Variants in ALMS1 observed in about 807,000 individuals in gnomAD.
ALMS1 encodes centrosome-associated protein ALMS1.
ALMS1 carries 271 observed loss-of-function variants against 352.2 expected under a neutral mutation model. That is an observed-to-expected ratio of 0.77 (90% CI 0.70 to 0.85). ALMS1 has a LOEUF of 0.85. Among genes scored for constraint, ALMS1 ranks in the 40% least tolerant of loss-of-function variants. The probability of loss-of-function intolerance (pLI) is 0.00; values close to 1 mark genes in which losing one functional copy is unlikely to be tolerated. For missense variants in ALMS1, 5,445 were observed against 4,870.7 expected (o/e 1.12, Z -3.51); for synonymous variants, 1,865 against 1,761.2 (o/e 1.06, Z -1.48).
chr2:73,447,530 G>A (rs950189901), intron 7 of ALMS1, among the ~76,000 whole-genome samples: 10 of 152,116 alleles, frequency 6.6e-5, no homozygotes, highest in African/African-American at 2.4e-4. Flanking sequence ...GTGAAAATAA[G>A]CTGATGAGCC....
At chr2:73,474,897 C>T (rs1572956874) in intron 9 of ALMS1, among the ~76,000 whole-genome samples, 1 of 151,864 alleles carries the variant, frequency 6.6e-6, no homozygotes, top group East Asian at 1.9e-4. Flanking sequence ...GTCATTAGCC[C>T]CTCTCCCCCA....
Position 73,601,253 on chromosome 2 carries a change from G to T in ALMS1, c.11931G>T (p.Val3977=). ...NVESRSKKEN[V]PNTCGPGISW... ...AGTCTAGATCAAAGAAGGAAAACGT[G>T]CCTAACACTTGTGGCCCTGGCATCT... The change falls in exon 19 of 23, where the codon GTG becomes GTT. Residue 3977 remains valine (V), a synonymous_variant. Coordinates refer to ENST00000613296, the MANE Select transcript of ALMS1 (RefSeq NM_001378454.1). 1.2e-6 allele frequency: 2 copies of T among 1,614,230 alleles called. No homozygotes were observed. Among genetic ancestry groups the T allele is most frequent in the Non-Finnish European group, 1.7e-6 (2 of 1,180,024 alleles).
intron 1 of ALMS1, among the ~76,000 whole-genome samples, chr2:73,397,985 C>T (rs992787507): frequency 1.3e-5 from 2 of 152,026 alleles, no homozygotes; most frequent in Non-Finnish European, 2.9e-5. Context: ...TAATTAAATC[C>T]AGCTTATCAA....
At chr2:73,434,651 T>C (rs1161892022) in intron 7 of ALMS1, among the ~76,000 whole-genome samples, 1 of 152,242 alleles carries the variant, frequency 6.6e-6, no homozygotes, top group Non-Finnish European at 1.5e-5. Flanking sequence ...TCTGACTAGC[T>C]GTTTTCTCCA....
Position 73,451,460 on chromosome 2 carries a change from T to G in ALMS1, c.4933T>G (p.Ser1645Ala). Residue 1645 changes from serine to alanine, a missense_variant, in exon 8 of 23, where the codon TCA (serine) becomes GCA (alanine). Physicochemically the swap from Ser to Ala is moderately conservative, Grantham distance 99. Coordinates refer to ENST00000613296, the MANE Select transcript of ALMS1 (RefSeq NM_001378454.1). ...TCTAAATAAAGAGGTTGTGAAAGTT[T>G]CAGCTGCTCCTGGACCAGCTGACCA... Reference protein sequence around the residue: ...SPLNKEVVKVSAAPGPADQKT... With the variant: ...SPLNKEVVKVAAAPGPADQKT... 2 of 1,614,098 alleles carry G rather than the reference T, an allele frequency of 1.2e-6. No homozygotes were observed. Among genetic ancestry groups the G allele is most frequent in the South Asian group, 1.1e-5 (1 of 91,084 alleles).
chr2:73,413,679 C>T (rs1174043888), intron 2 of ALMS1, among the ~76,000 whole-genome samples: 5 of 152,130 alleles, frequency 3.3e-5, no homozygotes, highest in South Asian at 2.1e-4. Context: ...TGTAGTTTTA[C>T]GTTTTACATT....
In ALMS1 at chr2:73,396,303, T is replaced by C. The variant is rs1308746735; in HGVS notation, c.324+10111T>C. 3.5e-5 allele frequency among the ~76,000 whole-genome samples: 5 copies of C among 144,142 alleles called. No homozygotes were observed. The South Asian group carries it at 6.7e-4, about 19-fold the overall frequency. The allele number at this position is 144,142 out of a possible 152,430, so 94.6% of individuals were successfully genotyped here. ...TTTTATGTGTTGCCTGTCATAGAAA[T>C]ACACACACACACACACACACACACA... On this transcript the variant is annotated intron_variant, in intron 1 of 22. Transcript: ENST00000613296.
At chr2:73,573,752 G>A (rs372044453) in intron 16 of ALMS1, among the ~76,000 whole-genome samples, 1 of 102,514 alleles carries the variant, frequency 9.8e-6, no homozygotes, top group Non-Finnish European at 1.7e-5. Context: ...ATGTTTATTT[G>A]GGTTTTTTTT....
At chr2:73,495,574 G>A (rs1307355021) in intron 10 of ALMS1, among the ~76,000 whole-genome samples, 1 of 152,152 alleles carries the variant, frequency 6.6e-6, no homozygotes, top group Non-Finnish European at 1.5e-5. Context: ...AAGGAGTACA[G>A]TATTTAGAAA....
intron 9 of ALMS1, among the ~76,000 whole-genome samples, chr2:73,456,169 TTTTA>T (rs1452939100): frequency 3.9e-5 from 6 of 152,208 alleles, no homozygotes; most frequent in Admixed American, 6.5e-5. Context: ...GTCATATCTT[TTTTA>T]TTTCTTATTT....
rs767695425 is a variant in ALMS1, at chr2:73,573,155, A to G, written c.11278A>G (p.Thr3760Ala). The change falls in exon 16 of 23, where the codon ACT becomes GCT. Residue 3760 changes from threonine (T) to alanine (A), a missense_variant. Physicochemically the swap from Thr to Ala is moderately conservative, Grantham distance 58. Coordinates refer to ENST00000613296, the MANE Select transcript of ALMS1 (RefSeq NM_001378454.1). ...CAACATCCTTTCCGGCACCACTTCT[A>G]CTGTCGAATCAGATATATTGACCCA... is the stretch of plus-strand genomic sequence containing the variant. ...TTNILSGTTSTVESDILTQTD... is the reference protein window; with the variant it reads ...TTNILSGTTSAVESDILTQTD... 3.1e-6 allele frequency: 5 copies of G among 1,613,780 alleles called. No individual in the cohort carries two copies. The highest frequency in any genetic ancestry group is 4.2e-6 in the Non-Finnish European group (5 of 1,179,926).
chr2:73,454,334 G>T, intron 8 of ALMS1: 1 of 985,252 alleles, frequency 1.0e-6, no homozygotes, highest in Non-Finnish European at 1.2e-6. Flanking sequence ...TTACGTTCTT[G>T]TTCTTAGGAG....
chr2:73,549,663 C>T (rs757612426), intron 12 of ALMS1, among the ~76,000 whole-genome samples: 1 of 152,188 alleles, frequency 6.6e-6, no homozygotes, highest in Admixed American at 6.5e-5. Flanking sequence ...TTTTCTCCTT[C>T]CTCCAAAACC....
intron 11 of ALMS1, among the ~76,000 whole-genome samples, chr2:73,528,924 A>G (rs1012226632): frequency 1.4e-5 from 2 of 143,564 alleles, no homozygotes; most frequent in African/African-American, 2.6e-5. Context: ...GTATTTTTCT[A>G]CTCCAGTATT....
intron 11 of ALMS1, among the ~76,000 whole-genome samples, chr2:73,527,937 G>GT (rs1175816006): frequency 4.6e-5 from 7 of 151,736 alleles, no homozygotes; most frequent in Admixed American, 4.6e-4. Context: ...GTAGGTTTTG[G>GT]TATGTTGTGT....
At chr2:73,489,389 G>C (rs1185443292) in intron 9 of ALMS1, among the ~76,000 whole-genome samples, 1 of 152,134 alleles carries the variant, frequency 6.6e-6, no homozygotes, top group Non-Finnish European at 1.5e-5. Context: ...AATCTTTGCT[G>C]TTTACTTTAG....
intron 13 of ALMS1, among the ~76,000 whole-genome samples, chr2:73,556,474 A>G (rs573372114): frequency 1.3e-5 from 2 of 152,276 alleles, no homozygotes; most frequent in African/African-American, 4.8e-5. Context: ...AAATTGTATG[A>G]GAATGCTGTA....
At chr2:73,553,515 T>G (rs1268982750) in intron 13 of ALMS1, among the ~76,000 whole-genome samples, 3 of 152,084 alleles carry the variant, frequency 2.0e-5, no homozygotes, top group African/African-American at 7.2e-5. Flanking sequence ...GAGGATGAAG[T>G]AGGGATTGGC....
intron 1 of ALMS1, among the ~76,000 whole-genome samples, chr2:73,389,506 A>G (rs917193789): frequency 1.3e-5 from 2 of 152,036 alleles, no homozygotes; most frequent in African/African-American, 4.8e-5. Flanking sequence ...TTAATCATAA[A>G]CTTTTTTCCT....
Sources: allele counts gnomAD v4.1 joint callset (sites outside exome capture counted in the v4.1 genomes callset), GRCh38; gene constraint gnomAD v4.1.1; transcripts MANE v1.5; gene names NCBI Gene and HGNC (gene_info 2026-07-23, HGNC 2026-07-21).